Variants in FRMD3 observed in about 807,000 individuals in gnomAD.
FRMD3 encodes FERM domain-containing protein 3.
A neutral mutation model predicts 70.2 loss-of-function variants in FRMD3; 33 were observed. The observed-to-expected ratio is 0.47, with a 90% CI of 0.36 to 0.63. The LOEUF (loss-of-function observed/expected upper bound fraction) is 0.63. Among genes scored for constraint, FRMD3 ranks in the 20% least tolerant of loss-of-function variants. FRMD3 has a pLI of 0.00. For missense variants in FRMD3, 632 were observed against 711.4 expected, an observed-to-expected ratio of 0.89 and a Z score of 1.27; for synonymous variants, 279 against 255.9, an observed-to-expected ratio of 1.09 and a Z score of -0.86.
intron 1 of FRMD3, among the ~76,000 whole-genome samples, chr9:83,471,360 G>A (rs776917982): frequency 6.6e-6 from 1 of 152,202 alleles, no homozygotes; most frequent in African/African-American, 2.4e-5. Flanking sequence ...CTATCTTCAC[G>A]GCTCTGCTCC....
At chr9:83,507,687 CATACATATAT>C (rs1158380198) in intron 1 of FRMD3, among the ~76,000 whole-genome samples, 1,256 of 46,908 alleles carry the variant, frequency 0.027, 128 homozygotes, top group South Asian at 0.054. Flanking sequence ...AAAAAATATA[CATACATATAT>C]ATATATATAT....
At chr9:83,372,216 G>A (rs1462013858) in intron 3 of FRMD3, among the ~76,000 whole-genome samples, 1 of 152,048 alleles carries the variant, frequency 6.6e-6, no homozygotes, top group Non-Finnish European at 1.5e-5. Flanking sequence ...CTACAGCCTG[G>A]CATGAGTGAC....
chr9:83,514,519 G>A (rs1211589805), intron 1 of FRMD3, among the ~76,000 whole-genome samples: 1 of 152,192 alleles, frequency 6.6e-6, no homozygotes. Context: ...CTGGGGAAGG[G>A]GTGGTTGTGG....
At chr9:83,347,041 TTC>T (rs2131176220) in intron 4 of FRMD3, among the ~76,000 whole-genome samples, 1 of 152,360 alleles carries the variant, frequency 6.6e-6, no homozygotes, top group Non-Finnish European at 1.5e-5. Flanking sequence ...ATAAAAGCAT[TTC>T]TTTCTACTTT....
chr9:83,363,740 G>GTTTGTATTTTT (rs1824693051), intron 3 of FRMD3, among the ~76,000 whole-genome samples: 2 of 152,056 alleles, frequency 1.3e-5, no homozygotes, highest in Non-Finnish European at 2.9e-5. Context: ...ATTTTTAGTA[G>GTTTGTATTTTT]AGACGGGGTT....
chr9:83,257,532 A>C (rs949455394), intron 13 of FRMD3, among the ~76,000 whole-genome samples: 1 of 152,200 alleles, frequency 6.6e-6, no homozygotes, highest in Non-Finnish European at 1.5e-5. Flanking sequence ...GGGGAAAAAA[A>C]ATCTTGAGTG....
At chr9:83,451,902 T>G (rs1827669984) in intron 1 of FRMD3, among the ~76,000 whole-genome samples, 1 of 152,220 alleles carries the variant, frequency 6.6e-6, no homozygotes, top group Admixed American at 6.5e-5. Context: ...TAATAGACAT[T>G]TGTAAATTAT....
chr9:83,578,290 T>C, the FRMD3 span, among the ~76,000 whole-genome samples: 1 of 151,884 alleles, frequency 6.6e-6, no homozygotes, highest in East Asian at 1.9e-4. Context: ...AATGCTTCTA[T>C]AAAATTGAAC....
intron 1 of FRMD3, among the ~76,000 whole-genome samples, chr9:83,463,476 GC>G (rs1828033684): frequency 6.6e-6 from 1 of 152,094 alleles, no homozygotes; most frequent in African/African-American, 2.4e-5. Flanking sequence ...AGGGTGGAAA[GC>G]CCCTCACAAA....
intron 1 of FRMD3, among the ~76,000 whole-genome samples, chr9:83,505,310 C>A (rs530007857): frequency 1.5e-4 from 23 of 152,242 alleles, no homozygotes; most frequent in Non-Finnish European, 2.5e-4. Flanking sequence ...TTTTTGCCAG[C>A]CTACTAATTT....
chr9:83,364,551 T>A (rs1437419612), intron 3 of FRMD3, among the ~76,000 whole-genome samples: 6 of 146,048 alleles, frequency 4.1e-5, no homozygotes, highest in African/African-American at 1.5e-4. Flanking sequence ...CAAGACCCCA[T>A]CTCCAAAAAA....
chr9:83,524,446 T>C (rs1829643979), intron 1 of FRMD3, among the ~76,000 whole-genome samples: 1 of 152,194 alleles, frequency 6.6e-6, no homozygotes, highest in Non-Finnish European at 1.5e-5. Flanking sequence ...AAAGTAGACA[T>C]GGAAAGAATT....
chr9:83,256,666 CAG>C (rs994104364), intron 13 of FRMD3, among the ~76,000 whole-genome samples: 1 of 144,938 alleles, frequency 6.9e-6, no homozygotes, highest in Non-Finnish European at 1.5e-5. Flanking sequence ...ACAAATTTAT[CAG>C]GGGAAAAAAA....
chr9:83,355,142 C>T (rs1442723153), intron 3 of FRMD3, among the ~76,000 whole-genome samples: 5 of 152,128 alleles, frequency 3.3e-5, no homozygotes, highest in African/African-American at 1.2e-4. Flanking sequence ...CGATGACTAA[C>T]CCCTTCTCCA....
chr9:83,416,802 T>TCTCTCTCTCTCTCTCTCTC (rs1554702078), intron 1 of FRMD3, among the ~76,000 whole-genome samples: 1 of 145,910 alleles, frequency 6.9e-6, no homozygotes, highest in African/African-American at 2.5e-5. Flanking sequence ...TCTCTCTCTC[T>TCTCTCTCTCTCTCTCTCTC]TACTCTTTCA....
intron 1 of FRMD3, among the ~76,000 whole-genome samples, chr9:83,446,328 AAAACTATAACT>A (rs1827460579): frequency 2.0e-5 from 3 of 152,194 alleles, no homozygotes; most frequent in Non-Finnish European, 4.4e-5. Context: ...GTCTCCAAAC[AAAACTATAACT>A]GACACTCGAA....
At chr9:83,325,237 G>A (rs978286763) in intron 6 of FRMD3, among the ~76,000 whole-genome samples, 21 of 152,112 alleles carry the variant, frequency 1.4e-4, no homozygotes, top group African/African-American at 2.2e-4. Context: ...TGATGGTTAC[G>A]CTAAAAGCCC....
At chr9:83,518,325 A>G (rs1349713775) in intron 1 of FRMD3, among the ~76,000 whole-genome samples, 1 of 152,226 alleles carries the variant, frequency 6.6e-6, no homozygotes, top group African/African-American at 2.4e-5. Flanking sequence ...AAAGATCACA[A>G]GCATTCCTAT....
At chr9:83,365,136 C>T (rs1038576247) in intron 3 of FRMD3, among the ~76,000 whole-genome samples, 2 of 152,098 alleles carry the variant, frequency 1.3e-5, no homozygotes, top group African/African-American at 2.4e-5. Context: ...TGGATAGCAT[C>T]GAGCATGTTT....
Sources: allele counts gnomAD v4.1 joint callset (sites outside exome capture counted in the v4.1 genomes callset), GRCh38; gene constraint gnomAD v4.1.1; transcripts MANE v1.5; gene names NCBI Gene and HGNC (gene_info 2026-07-23, HGNC 2026-07-21).